The following NF1 variants were observed in gnomAD, a reference collection of about 807,000 sequenced individuals.
The protein encoded by NF1 is neurofibromin 1.
A neutral mutation model predicts 325.7 loss-of-function variants in NF1; 122 were observed. The observed-to-expected ratio is 0.37, with a 90% CI of 0.32 to 0.44. The LOEUF (loss-of-function observed/expected upper bound fraction) is 0.44. NF1 is among the 20% of genes least tolerant of loss of function. NF1 has a pLI of 1.00. For missense variants in NF1, 2,140 were observed against 3,415.4 expected (o/e 0.63, Z 9.31); for synonymous variants, 1,091 against 1,186.0 (o/e 0.92, Z 1.65).
At chr17:31,222,562 G>T in intron 15 of NF1, 1 of 1,020,324 alleles carries the variant, frequency 9.8e-7, no homozygotes, top group Non-Finnish European at 1.2e-6. Flanking sequence ...GAGTAGTGCT[G>T]TCCACTAGTA....
At chr17:31,330,741 T>G (rs1439568655) in intron 39 of NF1, 1 of 528,986 alleles carries the variant, frequency 1.9e-6, no homozygotes, top group Admixed American at 3.3e-5. Context: ...TTTGGTACTT[T>G]ACACACCTCT....
intron 1 of NF1, among the ~76,000 whole-genome samples, chr17:31,098,445 A>G (rs1028842441): frequency 6.6e-6 from 1 of 151,772 alleles, no homozygotes; most frequent in Non-Finnish European, 1.5e-5. Context: ...GCTTACTGCA[A>G]CCTCTGCCTC....
chr17:31,125,766 C>T (rs910811626), intron 1 of NF1, among the ~76,000 whole-genome samples: 1 of 152,176 alleles, frequency 6.6e-6, no homozygotes, highest in African/African-American at 2.4e-5. Context: ...GAACTCCTGA[C>T]CTCAAGTGAT....
intron 36 of NF1, among the ~76,000 whole-genome samples, chr17:31,309,340 T>C (rs1161643307): frequency 6.6e-6 from 1 of 152,198 alleles, no homozygotes; most frequent in Admixed American, 6.5e-5. Context: ...TACCAGAAAA[T>C]AAGCAGAGGC....
At chr17:31,215,676 G>A (rs2066807745) in intron 13 of NF1, among the ~76,000 whole-genome samples, 2 of 152,168 alleles carry the variant, frequency 1.3e-5, no homozygotes, top group Admixed American at 1.3e-4. Context: ...GTTCTATATT[G>A]TGTCTTTCAT....
chr17:31,190,193 G>T (rs1396175293), intron 8 of NF1, among the ~76,000 whole-genome samples: 1 of 151,684 alleles, frequency 6.6e-6, no homozygotes, highest in Non-Finnish European at 1.5e-5. Flanking sequence ...GGAGGTGGAG[G>T]TTGCCATGAG....
intron 1 of NF1, among the ~76,000 whole-genome samples, chr17:31,114,059 A>T (rs1397930718): frequency 2.0e-5 from 3 of 152,224 alleles, no homozygotes; most frequent in African/African-American, 7.2e-5. Flanking sequence ...AACCTTTAAT[A>T]AAGTTTGAAT....
chr17:31,232,307 G>C (rs890855793), intron 25 of NF1, 118 bp downstream of exon 25: 9 of 717,498 alleles, frequency 1.3e-5, no homozygotes, highest in Non-Finnish European at 2.2e-5. Flanking sequence ...ACTGTGTTTT[G>C]TGATTTTTTT....
chr17:31,328,106 C>G, intron 38 of NF1, among the ~76,000 whole-genome samples: 1 of 152,050 alleles, frequency 6.6e-6, no homozygotes, highest in East Asian at 1.9e-4. Context: ...TCCAAAGTAT[C>G]CTAAATTAAG....
chr17:31,328,874 A>G (rs976755194), intron 38 of NF1, among the ~76,000 whole-genome samples: 1 of 152,216 alleles, frequency 6.6e-6, no homozygotes, highest in African/African-American at 2.4e-5. Context: ...GATTTTGTGT[A>G]TGCTTTGCTT....
intron 1 of NF1, among the ~76,000 whole-genome samples, chr17:31,096,472 A>G (rs1911732617): frequency 6.6e-6 from 1 of 152,202 alleles, no homozygotes; most frequent in African/African-American, 2.4e-5. Context: ...GCCTTTTGTC[A>G]GTGGAAATTG....
intron 1 of NF1, among the ~76,000 whole-genome samples, chr17:31,124,822 C>G (rs752745114): frequency 4.6e-5 from 7 of 150,966 alleles, no homozygotes; most frequent in Non-Finnish European, 1.0e-4. Context: ...AGGATGGTCT[C>G]GATCTCCTGG....
At chr17:31,205,835 A>T (rs1450413393) in intron 11 of NF1, among the ~76,000 whole-genome samples, 2 of 152,134 alleles carry the variant, frequency 1.3e-5, no homozygotes, top group Non-Finnish European at 1.5e-5. Flanking sequence ...CTTTGATAAT[A>T]GCATTCTTAC....
At chr17:31,146,743 A>G (rs1275462205) in intron 1 of NF1, among the ~76,000 whole-genome samples, 2 of 152,254 alleles carry the variant, frequency 1.3e-5, no homozygotes, top group African/African-American at 4.8e-5. Flanking sequence ...GCCTGGAGCG[A>G]GAATGGGAGC....
chr17:31,305,759 T>G, intron 36 of NF1: 1 of 763,862 alleles, frequency 1.3e-6, no homozygotes, highest in South Asian at 1.9e-5. Flanking sequence ...AGTAGTTGAT[T>G]AGTAGTTATT....
intron 8 of NF1, among the ~76,000 whole-genome samples, chr17:31,190,213 T>C (rs1448668087): frequency 6.6e-6 from 1 of 151,338 alleles, no homozygotes; most frequent in African/African-American, 2.4e-5. Flanking sequence ...GCTGAGATCA[T>C]GCCACTGCAC....
intron 2 of NF1, among the ~76,000 whole-genome samples, chr17:31,157,893 G>C (rs941129648): frequency 9.2e-5 from 14 of 151,990 alleles, no homozygotes; most frequent in African/African-American, 3.4e-4. Flanking sequence ...GTGAACCCGG[G>C]AGGCGGAGCT....
rs876659888 is a variant in NF1 at position 31,229,436 on chromosome 17, A to G, written c.2821A>G (p.Ile941Val). 1.5e-5 allele frequency: 24 copies of G among 1,613,916 alleles called. No homozygotes were observed. The highest frequency in any genetic ancestry group is 2.2e-5 in the South Asian group (2 of 91,076). Residue 941 changes from isoleucine to valine, a missense_variant, in exon 21 of 58, where the codon ATC becomes GTC. Around this residue, in one of 10 missense-constraint regions of NF1, gnomAD observed 380 missense variants for 639.3 expected, o/e 0.59. Coordinates refer to ENST00000358273, the MANE Select transcript of NF1 (RefSeq NM_001042492.3). ...PMLFNKLKNTISKFFDSQGQV... is the reference protein window; with the variant it reads ...PMLFNKLKNTVSKFFDSQGQV... Reference sequence around the variant, plus strand: ...GCTATTTAACAAATTGAAGAATACCATCAGCAAGTTTTTTGACTCCCAAGG... The same window carrying G: ...GCTATTTAACAAATTGAAGAATACCGTCAGCAAGTTTTTTGACTCCCAAGG...
At chr17:31,299,947 A>C (rs1322016025) in intron 36 of NF1, among the ~76,000 whole-genome samples, 3 of 152,062 alleles carry the variant, frequency 2.0e-5, no homozygotes, top group African/African-American at 7.2e-5. Flanking sequence ...GATTCCTCAT[A>C]TCATTGACAT....
Sources: allele counts gnomAD v4.1 joint callset (sites outside exome capture counted in the v4.1 genomes callset), GRCh38; gene constraint gnomAD v4.1.1; regional missense constraint gnomAD v4.1.1; transcripts MANE v1.5; gene names NCBI Gene and HGNC (gene_info 2026-07-23, HGNC 2026-07-21).